The following CMBL variants were observed in gnomAD, a reference collection of about 807,000 sequenced individuals.
CMBL encodes the protein carboxymethylenebutenolidase homolog (Pseudomonas).
CMBL carries 17 observed loss-of-function variants against 28.7 expected under a neutral mutation model. That is an observed-to-expected ratio of 0.59 (90% CI 0.41 to 0.89). CMBL has a LOEUF of 0.89. Among genes scored for constraint, CMBL ranks in the 40% least tolerant of loss-of-function variants. CMBL has a pLI of 0.00. For synonymous variants in CMBL, 106 were observed against 101.6 expected, an observed-to-expected ratio of 1.04 and a Z score of -0.26; for missense variants, 310 against 298.5, an observed-to-expected ratio of 1.04 and a Z score of -0.28.
chr5:10,293,105 A>G (rs912624691), intron 1 of CMBL, among the ~76,000 whole-genome samples: 2 of 152,224 alleles, frequency 1.3e-5, no homozygotes, highest in Admixed American at 1.3e-4. Context: ...ACTTGATACA[A>G]TCAATACAGC....
intron 1 of CMBL, among the ~76,000 whole-genome samples, chr5:10,299,827 C>A (rs966120812): frequency 1.3e-5 from 2 of 151,820 alleles, no homozygotes; most frequent in African/African-American, 4.8e-5. Flanking sequence ...AAGAGTGAGA[C>A]CCTATCTAAA....
In CMBL at chr5:10,280,513, G is replaced by C. The variant is rs770915320; in HGVS notation, c.678C>G (p.Asp226Glu). 3.7e-6 allele frequency: 6 copies of C among 1,613,688 alleles called. No individual in the cohort carries two copies. In the South Asian group the frequency reaches 6.6e-5, roughly 18 times the overall value. The change falls in exon 6 of 6, where the codon GAC becomes GAG. Residue 226 changes from aspartate to glutamate, a missense_variant. Asp to Glu is a conservative substitution (Grantham distance 45, BLOSUM62 2). Coordinates refer to ENST00000296658, the MANE Select transcript of CMBL (RefSeq NM_138809.4). ...TTCTGGCCTCGTCAATGTAGGGCTTGTCTGCAGGTGAGCAATCTTCTCTCT... is the reference window on the plus strand; with the variant it reads ...TTCTGGCCTCGTCAATGTAGGGCTTCTCTGCAGGTGAGCAATCTTCTCTCT... ...HRKREDCSPADKPYIDEARRN... is the reference protein window; with the variant it reads ...HRKREDCSPAEKPYIDEARRN...
intron 4 of CMBL, among the ~76,000 whole-genome samples, chr5:10,284,773 G>GAGGAGCATCTGCATTATTTTTAA (rs1746566678): frequency 6.6e-6 from 1 of 152,176 alleles, no homozygotes; most frequent in African/African-American, 2.4e-5. Context: ...ATTGTAAGTA[G>GAGGAGCATCTGCATTATTTTTAA]AGGAGCATCT....
intron 1 of CMBL, among the ~76,000 whole-genome samples, chr5:10,304,753 G>C (rs1746967415): frequency 6.6e-6 from 1 of 152,162 alleles, no homozygotes; most frequent in Non-Finnish European, 1.5e-5. Context: ...GGGAGTTAGA[G>C]ACCAGCCTAG....
At chr5:10,283,351 T>C (rs562287838) in intron 4 of CMBL, among the ~76,000 whole-genome samples, 1 of 152,342 alleles carries the variant, frequency 6.6e-6, no homozygotes, top group South Asian at 2.1e-4. Flanking sequence ...CCACGGGTTC[T>C]GGCTTGAATG....
chr5:10,285,981 T>C (rs900845765), intron 4 of CMBL, among the ~76,000 whole-genome samples: 14 of 152,056 alleles, frequency 9.2e-5, no homozygotes, highest in African/African-American at 3.1e-4. Flanking sequence ...TTACAGGCAT[T>C]AGCCACCACC....
At position 10,279,203 on chromosome 5, in the gene CMBL, T is replaced by C. The variant is rs978654765; in HGVS notation, c.*1250A>G. On this transcript the variant is annotated 3_prime_UTR_variant, in exon 6 of 6. Coordinates refer to ENST00000296658, the MANE Select transcript of CMBL (RefSeq NM_138809.4). Reference sequence around the variant, plus strand: ...AAAATGCCAGTGCTTGGAAATCCACTGCTTAGGAGACAACAGCTGGGTGAC... The same window carrying C: ...AAAATGCCAGTGCTTGGAAATCCACCGCTTAGGAGACAACAGCTGGGTGAC... 1.3e-5 allele frequency: 2 copies of C among 152,176 alleles called. No homozygotes were observed. Among genetic ancestry groups the C allele is most frequent in the African/African-American group, 4.8e-5 (2 of 41,432 alleles). 9.4% of individuals were successfully genotyped at this position (152,176 alleles called of 1,614,324 possible). A position where few individuals can be genotyped will look rare whatever the true frequency, so the allele number is the denominator to read the frequency against.
chr5:10,289,970 G>A lies in CMBL; in HGVS notation c.215+578C>T, dbSNP rs948418260. ...CTGGCCCTCCTCTGCGCTTTACACC[G>A]GGGCAAATAAGAAGCAATCGGGTAT... is the stretch of plus-strand genomic sequence containing the variant. On this transcript the variant is annotated intron_variant, in intron 2 of 5. Transcript: ENST00000296658. This position sits in a 1 kb window ranked among gnomAD's most constrained non-coding sequence, Gnocchi z 4.3. Among the ~76,000 whole-genome samples the A allele has an allele frequency of 3.3e-5, 5 of 152,166 alleles. No individual in the cohort carries two copies. Among genetic ancestry groups the A allele is most frequent in the Non-Finnish European group, 5.9e-5 (4 of 68,028 alleles).
intron 2 of CMBL, 148 bp from the exon 3 acceptor site, chr5:10,288,677 C>G: frequency 1.6e-6 from 1 of 640,316 alleles, no homozygotes. Flanking sequence ...TTGATCGCAG[C>G]AAAGCAGCCA....
intron 1 of CMBL, among the ~76,000 whole-genome samples, chr5:10,295,618 A>AT (rs1034928553): frequency 1.3e-5 from 2 of 152,230 alleles, no homozygotes; most frequent in African/African-American, 4.8e-5. Flanking sequence ...TGAGTGCCTT[A>AT]TATAAGGGGC....
At chr5:10,305,028 A>T (rs907110664) in intron 1 of CMBL, among the ~76,000 whole-genome samples, 5 of 152,146 alleles carry the variant, frequency 3.3e-5, no homozygotes, top group African/African-American at 1.2e-4. Flanking sequence ...CTGGGGCAGG[A>T]CTGTGTGTCT....
chr5:10,284,354 A>G (rs984672322), intron 4 of CMBL, among the ~76,000 whole-genome samples: 16 of 152,246 alleles, frequency 1.1e-4, no homozygotes, highest in Non-Finnish European at 2.1e-4. Context: ...TTTTAACTCT[A>G]AAAGTAGTTG....
chr5:10,297,602 T>A, intron 1 of CMBL, among the ~76,000 whole-genome samples: 1 of 147,470 alleles, frequency 6.8e-6, no homozygotes. Flanking sequence ...AAAGAGACTG[T>A]GCAAAAGATG....
chr5:10,278,870 G>T lies in CMBL; in HGVS notation c.*1583C>A, dbSNP rs755117741. On this transcript the variant is annotated 3_prime_UTR_variant, in exon 6 of 6. Transcript: ENST00000296658. ...CCTGCGAGAGGGACACCTGGCCACA[G>T]GTTGGACACTCAGGAATCAGGCCGT... is the stretch of plus-strand genomic sequence containing the variant. 6.6e-6 allele frequency among the ~76,000 whole-genome samples: 1 copy of T among 152,088 alleles called. No homozygotes were observed. Among genetic ancestry groups the T allele is most frequent in the Non-Finnish European group, 1.5e-5 (1 of 68,034 alleles).
chr5:10,288,358 G>T, intron 3 of CMBL, 64 bp downstream of exon 3: 1 of 1,148,940 alleles, frequency 8.7e-7, no homozygotes, highest in Non-Finnish European at 1.3e-6. Flanking sequence ...GAAAGGTGAA[G>T]CCCACCCAGC....
intron 1 of CMBL, among the ~76,000 whole-genome samples, chr5:10,305,082 G>C (rs1343212899): frequency 6.6e-6 from 1 of 152,156 alleles, no homozygotes; most frequent in Non-Finnish European, 1.5e-5. Flanking sequence ...GTCAATAAAG[G>C]CTTTTCTGTA....
chr5:10,288,366 A>G, intron 3 of CMBL, 56 bp downstream of exon 3: 1 of 1,272,738 alleles, frequency 7.9e-7, no homozygotes, highest in Non-Finnish European at 1.1e-6. Context: ...AAGCCCACCC[A>G]GCTCTCACCT....
rs1746669560 is a variant in CMBL at position 10,289,702 on chromosome 5, C to T, written c.215+846G>A. ...TGGGCTTGCCCCTAGAAAGTTAAGTCCCCTCACATGGGGACGTGAAAAAGG... is the reference window on the plus strand; with the variant it reads ...TGGGCTTGCCCCTAGAAAGTTAAGTTCCCTCACATGGGGACGTGAAAAAGG... On this transcript the variant is annotated intron_variant, in intron 2 of 5. Transcript: ENST00000296658. This position sits in a 1 kb window ranked among gnomAD's most constrained non-coding sequence, Gnocchi z 4.3. Among the ~76,000 whole-genome samples the T allele has an allele frequency of 1.3e-5, 2 of 152,176 alleles. No individual in the cohort carries two copies.
chr5:10,280,556 T>A lies in CMBL; in HGVS notation c.635A>T (p.His212Leu), dbSNP rs1218066033. 1 of 1,613,866 alleles carries A rather than the reference T, an allele frequency of 6.2e-7. No homozygotes were observed. The highest frequency in any genetic ancestry group is 8.5e-7 in the Non-Finnish European group (1 of 1,179,760). The change falls in exon 6 of 6, where the codon CAT becomes CTT. Residue 212 changes from histidine (H) to leucine (L), a missense_variant. Physicochemically the swap from His to Leu is moderately conservative, Grantham distance 99. Coordinates refer to ENST00000296658, the MANE Select transcript of CMBL (RefSeq NM_138809.4). The stretch of plus-strand genomic sequence containing the variant: ...TTCTCTCTTCCGATGCACGAACCCA[T>A]GAGTCTGCCCAGAAAATGTTTTAAT... The part of the protein sequence containing the change: ...YQIKTFSGQT[H>L]GFVHRKREDC...
Sources: allele counts gnomAD v4.1 joint callset (sites outside exome capture counted in the v4.1 genomes callset), GRCh38; gene constraint gnomAD v4.1.1; non-coding constraint Gnocchi (gnomAD v3.1); transcripts MANE v1.5; gene names NCBI Gene and HGNC (gene_info 2026-07-23, HGNC 2026-07-21).